Variants in CAPN8 observed in about 807,000 individuals in gnomAD.
CAPN8 encodes the protein calpain 8, also known as calpain-8.
In CAPN8, 87 loss-of-function variants were observed where a neutral mutation model predicts 80.9. The ratio of observed to expected loss-of-function variants is 1.07; its 90% CI spans 0.90 to 1.28. The LOEUF is 1.28. Among genes scored for constraint, CAPN8 ranks in the 50% most tolerant of loss-of-function variants. The pLI is 0.00. For synonymous variants in CAPN8, 299 were observed against 273.8 expected (o/e 1.09, Z -0.91); for missense variants, 757 against 702.0 (o/e 1.08, Z -0.89).
intron 10 of CAPN8, among the ~76,000 whole-genome samples, chr1:223,614,909 G>A (rs1209484527): frequency 2.6e-5 from 4 of 152,208 alleles, no homozygotes; most frequent in Admixed American, 2.6e-4. Context: ...TAGAATTGGA[G>A]TTTATTTATT....
intron 2 of CAPN8, among the ~76,000 whole-genome samples, chr1:223,631,891 C>A (rs1657784111): frequency 6.6e-6 from 1 of 152,158 alleles, no homozygotes; most frequent in Non-Finnish European, 1.5e-5. Flanking sequence ...ATCAGAGCAG[C>A]CACATAGCCC....
At chr1:223,626,859 C>G in intron 5 of CAPN8, 130 bp downstream of exon 5, 1 of 897,528 alleles carries the variant, frequency 1.1e-6, no homozygotes, top group Non-Finnish European at 1.7e-6. Context: ...CTAGACTTGC[C>G]CACTAAGCTC....
chr1:223,543,920 G>A, intron 19 of CAPN8, 147 bp downstream of exon 19: 2 of 610,192 alleles, frequency 3.3e-6, no homozygotes, highest in Non-Finnish European at 5.9e-6. Context: ...TCGCCCCCAA[G>A]GTGCCAGCAT....
At chr1:223,552,788 CA>C (rs1246572297) in intron 14 of CAPN8, among the ~76,000 whole-genome samples, 1 of 152,072 alleles carries the variant, frequency 6.6e-6, no homozygotes, top group Non-Finnish European at 1.5e-5. Flanking sequence ...CCCATGCAGC[CA>C]GAGAGAAAGG....
chr1:223,657,093 C>T (rs944726687), intron 1 of CAPN8, among the ~76,000 whole-genome samples: 1 of 152,074 alleles, frequency 6.6e-6, no homozygotes, highest in Non-Finnish European at 1.5e-5. Context: ...TATTTTCTTG[C>T]CATTTATTTA....
intron 4 of CAPN8, among the ~76,000 whole-genome samples, chr1:223,627,380 C>T (rs1022561042): frequency 2.0e-5 from 3 of 152,188 alleles, no homozygotes; most frequent in African/African-American, 7.2e-5. Context: ...CCAGCCACCC[C>T]CTCCTTTACA....
intron 9 of CAPN8, chr1:223,617,715 A>T (rs923696620): frequency 6.5e-6 from 1 of 152,746 alleles, no homozygotes; most frequent in African/African-American, 2.4e-5. Flanking sequence ...TAATACTCCC[A>T]TTTATATAAT....
rs1657444450 is a variant in CAPN8 at position 223,622,830 on chromosome 1, C to A, written c.884G>T (p.Gly295Val). The A allele has an allele frequency of 6.4e-7, 1 of 1,551,654 alleles. No individual in the cohort carries two copies. Among genetic ancestry groups the A allele is most frequent in the Non-Finnish European group, 8.7e-7 (1 of 1,146,936 alleles). ...RNPWGEVEWS[G>V]AWSDDAPEWN... ...AAAAACCTACTCATCGCTCCAGGCT[C>A]CCGACCACTCCACTTCACCCCATGG... is the stretch of plus-strand genomic sequence containing the variant. Residue 295 changes from glycine to valine, a missense_variant, in exon 7 of 21, where the codon GGA becomes GTA. Transcript: ENST00000366872.
chr1:223,618,171 A>T, intron 9 of CAPN8: 1 of 1,513,842 alleles, frequency 6.6e-7, no homozygotes, highest in Non-Finnish European at 9.0e-7. Flanking sequence ...CAGGAGGTGA[A>T]AAGTAGAGAG....
At chr1:223,655,026 G>A (rs544372672) in intron 1 of CAPN8, among the ~76,000 whole-genome samples, 5 of 152,122 alleles carry the variant, frequency 3.3e-5, no homozygotes, top group African/African-American at 9.6e-5. Context: ...TGGTGTGGGT[G>A]TGTGGGTGTG....
At chr1:223,635,431 A>T (rs1007385829) in intron 2 of CAPN8, among the ~76,000 whole-genome samples, 18 of 152,172 alleles carry the variant, frequency 1.2e-4, no homozygotes, top group African/African-American at 4.3e-4. Flanking sequence ...ATCGACCCAC[A>T]CATTGACTTT....
chr1:223,665,331 C>G, intron 1 of CAPN8, 79 bp downstream of exon 1: 1 of 1,172,076 alleles, frequency 8.5e-7, no homozygotes, highest in Non-Finnish European at 1.2e-6. Flanking sequence ...ACAGCCTCAA[C>G]TTCTCCCTCA....
intron 2 of CAPN8, among the ~76,000 whole-genome samples, chr1:223,633,452 A>G (rs901703632): frequency 6.6e-6 from 1 of 152,040 alleles, no homozygotes; most frequent in African/African-American, 2.4e-5. Flanking sequence ...ACTTGAGGTC[A>G]GGAGTTCAAG....
chr1:223,644,776 G>T lies in CAPN8; in HGVS notation c.307+9554C>A, dbSNP rs1658143597. ...AGGGCAGGTTCTCTGGTTTGCCACA[G>T]TCCCTGCTACTCTCTCTTGTTACCT... On this transcript the variant is annotated intron_variant, in intron 2 of 20. Coordinates refer to ENST00000366872, the MANE Select transcript of CAPN8 (RefSeq NM_001143962.2). Among the ~76,000 whole-genome samples, 5 of 152,264 alleles carry T rather than the reference G, an allele frequency of 3.3e-5. No individual in the cohort carries two copies. The South Asian group carries it at 1.0e-3, about 32-fold the overall frequency.
chr1:223,644,758 G>A (rs1052984181), intron 2 of CAPN8, among the ~76,000 whole-genome samples: 10 of 152,184 alleles, frequency 6.6e-5, no homozygotes, highest in South Asian at 4.1e-4. Context: ...CACAGGGCAG[G>A]TTCTCTGGTT....
chr1:223,640,651 T>C (rs997218278), intron 2 of CAPN8, among the ~76,000 whole-genome samples: 2 of 152,044 alleles, frequency 1.3e-5, no homozygotes, highest in African/African-American at 2.4e-5. Context: ...TCAAATCCCA[T>C]CCTCCTCCCT....
rs79127446 is a variant in CAPN8 at position 223,549,295 on chromosome 1, A to T, written c.1764+23T>A. The T allele has an allele frequency of 9.3e-3, 14,334 of 1,537,812 alleles. 849 individuals carry two copies. In the East Asian group the frequency reaches 0.13, roughly 14 times the overall value. On this transcript the variant is annotated intron_variant, in intron 16 of 20. Transcript: ENST00000366872. ...ACCGGACGAAAGTAAAAAAAAAAAA[A>T]TAATGCAACATTTAAAGGATACATC... is the stretch of plus-strand genomic sequence containing the variant.
At chr1:223,631,470 T>C (rs1315369230) in intron 2 of CAPN8, among the ~76,000 whole-genome samples, 1 of 152,110 alleles carries the variant, frequency 6.6e-6, no homozygotes, top group Non-Finnish European at 1.5e-5. Flanking sequence ...GGCCACTTGA[T>C]TACATCTGTT....
chr1:223,657,492 C>T (rs1175203930), intron 1 of CAPN8, among the ~76,000 whole-genome samples: 2 of 152,140 alleles, frequency 1.3e-5, no homozygotes, highest in African/African-American at 4.8e-5. Context: ...CTTGGCTGGG[C>T]ATGGTGACTC....
Sources: allele counts gnomAD v4.1 joint callset (sites outside exome capture counted in the v4.1 genomes callset), GRCh38; gene constraint gnomAD v4.1.1; transcripts MANE v1.5; gene names NCBI Gene and HGNC (gene_info 2026-07-23, HGNC 2026-07-21).